Variants in REV1 observed in about 807,000 individuals in gnomAD.
The protein encoded by REV1 is translesion synthesis protein REV1.
Under a neutral mutation model 137.4 loss-of-function variants are expected in REV1, and 42 were observed. The ratio of observed to expected loss-of-function variants is 0.31; its 90% confidence interval spans 0.24 to 0.40. REV1 has a LOEUF of 0.40. REV1 is among the 10% of genes least tolerant of loss of function. The probability of loss-of-function intolerance (pLI) is 1.00; values close to 1 mark genes in which losing one functional copy is unlikely to be tolerated. For missense variants in REV1, 1,282 were observed against 1,490.1 expected, an observed-to-expected ratio of 0.86 and a Z score of 2.30; for synonymous variants, 524 against 519.2, an observed-to-expected ratio of 1.01 and a Z score of -0.12.
chr2:99,412,608 G>C lies in REV1; in HGVS notation c.2172+123C>G. 5.3e-6 allele frequency: 4 copies of C among 748,722 alleles called. No homozygotes were observed. The South Asian group carries it at 6.9e-5, about 13-fold the overall frequency. 46.4% of individuals were successfully genotyped at this position (748,722 alleles called of 1,614,324 possible). ...CCTTAAAAGGCCTTCTTAAGGCTCT[G>C]GGGATACAACAGTTTTAAGACTTAA... On this transcript the variant is annotated intron_variant, in intron 13 of 22. Transcript: ENST00000258428.
intron 9 of REV1, chr2:99,424,959 A>C: frequency 8.7e-7 from 1 of 1,146,762 alleles, no homozygotes; most frequent in Non-Finnish European, 1.1e-6. Context: ...TACCTTTGAC[A>C]TTTGGAGCAT....
chr2:99,449,556 A>C (rs770454967), intron 3 of REV1, 52 bp from the exon 4 acceptor site: 1 of 929,378 alleles, frequency 1.1e-6, no homozygotes, highest in South Asian at 3.3e-5. Context: ...AAGAAGTAGA[A>C]CCCTAATGAA....
intron 19 of REV1, 93 bp from the exon 20 acceptor site, chr2:99,403,199 A>G: frequency 3.8e-6 from 4 of 1,060,240 alleles, no homozygotes; most frequent in Non-Finnish European, 4.0e-6. Context: ...CCCAAATACA[A>G]CAGGCTCCCT....
chr2:99,435,364 T>A (rs1195132459), intron 7 of REV1: 1 of 152,452 alleles, frequency 6.6e-6, no homozygotes, highest in Non-Finnish European at 1.5e-5. Flanking sequence ...AGACAAAGAC[T>A]GTCCAGACGA....
intron 1 of REV1, among the ~76,000 whole-genome samples, chr2:99,481,607 T>TA (rs1472821677): frequency 1.3e-5 from 2 of 152,176 alleles, no homozygotes; most frequent in Non-Finnish European, 2.9e-5. Context: ...CACATGCCTG[T>TA]ATACCAGCAC....
chr2:99,445,613 C>T (rs192698228), intron 4 of REV1, among the ~76,000 whole-genome samples: 18 of 152,330 alleles, frequency 1.2e-4, no homozygotes, highest in Non-Finnish European at 2.5e-4. Flanking sequence ...ATCTATTCCA[C>T]ATTTCAAATT....
chr2:99,412,617 A>G (rs1677333849), intron 13 of REV1, 114 bp downstream of exon 13: 1 of 801,142 alleles, frequency 1.2e-6, no homozygotes, highest in Admixed American at 2.3e-5. Context: ...TGGGGATACA[A>G]CAGTTTTAAG....
At chr2:99,420,549 C>T (rs1678520592) in intron 11 of REV1, among the ~76,000 whole-genome samples, 1 of 152,254 alleles carries the variant, frequency 6.6e-6, no homozygotes, top group Non-Finnish European at 1.5e-5. Flanking sequence ...ACTCCTTCAG[C>T]TTCTGTCTCC....
chr2:99,469,292 ATAAC>A (rs1386073772), intron 1 of REV1, among the ~76,000 whole-genome samples: 1 of 152,216 alleles, frequency 6.6e-6, no homozygotes, highest in Non-Finnish European at 1.5e-5. Flanking sequence ...AAAAAGACTG[ATAAC>A]TAAGAGTAAT....
intron 2 of REV1, among the ~76,000 whole-genome samples, chr2:99,464,284 G>GT (rs984245995): frequency 1.3e-5 from 2 of 152,076 alleles, no homozygotes; most frequent in African/African-American, 4.8e-5. Context: ...AGTACATGAT[G>GT]TTTTTTTCCC....
At chr2:99,489,499 C>T (rs1687463235) in intron 1 of REV1, among the ~76,000 whole-genome samples, 1 of 126,840 alleles carries the variant, frequency 7.9e-6, no homozygotes. Context: ...GGAAGGGCCG[C>T]TGCGCCAGGG....
In REV1 at chr2:99,484,205, T is replaced by C. The variant is rs191350374; in HGVS notation, c.-11+5612A>G. 9.3e-4 allele frequency among the ~76,000 whole-genome samples: 142 copies of C among 152,132 alleles called. 1 individual carries two copies. Among genetic ancestry groups the C allele is most frequent in the South Asian group, 3.9e-3 (19 of 4,822 alleles). On this transcript the variant is annotated intron_variant, in intron 1 of 22. Coordinates refer to ENST00000258428, the MANE Select transcript of REV1 (RefSeq NM_016316.4). ...CTCATGAACGCAAAGAAGGGAGCAA[T>C]AGACACTGAGTCTACTTAAGCGTGG...
chr2:99,403,083 G>A lies in REV1; in HGVS notation c.3190C>T (p.Leu1064=). 1 of 1,610,026 alleles carries A rather than the reference G, an allele frequency of 6.2e-7. No individual in the cohort carries two copies. The highest frequency in any genetic ancestry group is 8.5e-7 in the Non-Finnish European group (1 of 1,178,120). Residue 1064 remains leucine (L), a synonymous_variant, in exon 20 of 23, where the codon CTA becomes TTA. Coordinates refer to ENST00000258428, the MANE Select transcript of REV1 (RefSeq NM_016316.4). Reference sequence around the variant, plus strand: ...TTCTTTTCTTTCACTGCTGCCTTTAGATGAAGTAAAGGATTCTTTGGCACT... The same window carrying A: ...TTCTTTTCTTTCACTGCTGCCTTTAAATGAAGTAAAGGATTCTTTGGCACT... The part of the protein sequence containing the change: ...ASVPKNPLLH[L]KAAVKEKKRN...
intron 8 of REV1, chr2:99,431,833 C>T: frequency 2.0e-6 from 2 of 985,366 alleles, no homozygotes; most frequent in Non-Finnish European, 2.4e-6. Flanking sequence ...ACACACTGTC[C>T]TCACTGGAGG....
intron 3 of REV1, among the ~76,000 whole-genome samples, chr2:99,460,382 T>C (rs1575175150): frequency 6.6e-6 from 1 of 152,268 alleles, no homozygotes; most frequent in East Asian, 1.9e-4. Flanking sequence ...GCCTGAAAAC[T>C]TTCTTTCACA....
Position 99,442,342 on chromosome 2 carries a change from T to C in REV1, c.478A>G (p.Ile160Val), listed in dbSNP as rs963304534. 15 of 1,609,338 alleles carry C rather than the reference T, an allele frequency of 9.3e-6. No homozygotes were observed. Among genetic ancestry groups the C allele is most frequent in the Admixed American group, 1.7e-5 (1 of 59,756 alleles). ...ACCCTGTTGTTGAGCTGTTTGGCTA[T>C]ATTGCTTGGACCTGGCAGAGGATCC... ...PEDPLPGPSNIAKQLNNRVNH... is the reference protein window; with the variant it reads ...PEDPLPGPSNVAKQLNNRVNH... The change falls in exon 5 of 23, where the codon ATA (isoleucine) becomes GTA (valine). Residue 160 changes from isoleucine (I) to valine (V), a missense_variant. By Grantham distance (29) the Ile-to-Val change is conservative. Transcript: ENST00000258428.
At position 99,462,576 on chromosome 2, in the gene REV1, C is replaced by T. The variant is rs146592953; in HGVS notation, c.101G>A (p.Arg34Gln). The T allele has an allele frequency of 2.1e-5, 34 of 1,613,110 alleles. No individual in the cohort carries two copies. The African/African-American group carries it at 3.6e-4, about 17-fold the overall frequency. ...AKVQKLEEQF[R>Q]SDAAMQKDGT... Reference sequence around the variant, plus strand: ...ATCCTTCTGCATAGCAGCATCTGATCGAAACTGTTCCTCCAATTTCTGGAC... The same window carrying T: ...ATCCTTCTGCATAGCAGCATCTGATTGAAACTGTTCCTCCAATTTCTGGAC... Residue 34 changes from arginine to glutamine, a missense_variant, in exon 3 of 23, where the codon CGA (arginine) becomes CAA (glutamine). Physicochemically the swap from Arg to Gln is conservative, Grantham distance 43. This residue lies in a region of REV1 where 107 missense variants were observed against 164.3 expected (regional missense o/e 0.65). Coordinates refer to ENST00000258428, the MANE Select transcript of REV1 (RefSeq NM_016316.4).
chr2:99,454,550 C>CAAAAAAAAAAAA (rs373850478), intron 3 of REV1, among the ~76,000 whole-genome samples: 12 of 82,368 alleles, frequency 1.5e-4, no homozygotes, highest in African/African-American at 2.0e-4. Context: ...AACTCCAGCT[C>CAAAAAAAAAAAA]AAAAAAAAAA....
chr2:99,435,672 T>TA, intron 7 of REV1, 162 bp downstream of exon 7: 1 of 496,114 alleles, frequency 2.0e-6, no homozygotes, highest in Admixed American at 4.0e-5. Context: ...AGAAAAACTC[T>TA]AATTTCCCTA....
Sources: gnomAD v4.1 joint callset for allele counts (sites outside exome capture counted in the v4.1 genomes callset) on GRCh38, gnomAD v4.1.1 for gene constraint, gnomAD v4.1.1 regional missense constraint, MANE v1.5 for transcripts, NCBI Gene and HGNC (gene_info 2026-07-23, HGNC 2026-07-21) for gene names.